ABL2: variants seen among roughly 807,000 people sequenced by gnomAD.
The protein encoded by ABL2 is ABL proto-oncogene 2, non-receptor tyrosine kinase.
In ABL2, 49 loss-of-function variants were observed where a neutral mutation model predicts 107.7. The ratio of observed to expected loss-of-function variants is 0.45; its 90% CI spans 0.36 to 0.58. The LOEUF is 0.58. Among genes scored for constraint, ABL2 ranks in the 20% least tolerant of loss-of-function variants. ABL2 has a pLI of 0.00. For synonymous variants in ABL2, 549 were observed against 548.6 expected (o/e 1.00, Z -0.01); for missense variants, 1,245 against 1,457.0 (o/e 0.85, Z 2.37).
intron 1 of ABL2, among the ~76,000 whole-genome samples, chr1:179,208,356 T>C (rs562933556): frequency 6.6e-6 from 1 of 152,048 alleles, no homozygotes; most frequent in South Asian, 2.1e-4. Context: ...TTTATGTCCA[T>C]TTGTACTCAA....
At chr1:179,140,279 G>A (rs1258614461) in intron 1 of ABL2, among the ~76,000 whole-genome samples, 1 of 152,012 alleles carries the variant, frequency 6.6e-6, no homozygotes, top group East Asian at 1.9e-4. Flanking sequence ...GGACCTTTGC[G>A]CTGGCTTTTC....
chr1:179,170,470 G>A (rs939996036), intron 1 of ABL2, among the ~76,000 whole-genome samples: 2 of 151,944 alleles, frequency 1.3e-5, no homozygotes, highest in African/African-American at 2.4e-5. Flanking sequence ...AGGCTGGAGT[G>A]CAGTAGCGCA....
At chr1:179,115,764 C>G (rs1654559037) in intron 8 of ABL2, among the ~76,000 whole-genome samples, 1 of 152,020 alleles carries the variant, frequency 6.6e-6, no homozygotes, top group Non-Finnish European at 1.5e-5. Context: ...TCAGCTAATA[C>G]AAGAGGAGTA....
intron 1 of ABL2, among the ~76,000 whole-genome samples, chr1:179,147,808 T>C (rs954615357): frequency 3.3e-5 from 5 of 152,186 alleles, no homozygotes; most frequent in African/African-American, 4.8e-5. Context: ...AATATATCCA[T>C]GGAAGAACTG....
At chr1:179,144,645 CTT>C (rs1657867512) in intron 1 of ABL2, among the ~76,000 whole-genome samples, 1 of 151,914 alleles carries the variant, frequency 6.6e-6, no homozygotes, top group South Asian at 2.1e-4. Context: ...AAAATGGTAA[CTT>C]AACCTTATTA....
intron 1 of ABL2, among the ~76,000 whole-genome samples, chr1:179,188,801 C>G (rs879291165): frequency 2.0e-4 from 31 of 152,060 alleles, no homozygotes; most frequent in Non-Finnish European, 4.3e-4. Flanking sequence ...ACTCTAGAAT[C>G]CATGTTATCA....
At position 179,106,029 on chromosome 1, in the gene ABL2, T is replaced by C. The variant is rs967781761; in HGVS notation, c.*1689A>G. The C allele has an allele frequency of 1.4e-5, 3 of 218,664 alleles. No individual in the cohort carries two copies. Among genetic ancestry groups the C allele is most frequent in the Non-Finnish European group, 2.8e-5 (3 of 108,946 alleles). 13.5% of individuals were successfully genotyped at this position (218,664 alleles called of 1,614,324 possible). A position where few individuals can be genotyped will look rare whatever the true frequency, so the allele number is the denominator to read the frequency against. ...AAGAGATGAGGCTGTGGTTTGACAG[T>C]GTATCAATGACAGAGCCAGAAGAAA... On this transcript the variant is annotated 3_prime_UTR_variant, in exon 12 of 12. Transcript: ENST00000502732.
intron 1 of ABL2, among the ~76,000 whole-genome samples, chr1:179,139,498 C>G (rs1001371959): frequency 1.3e-5 from 2 of 152,200 alleles, no homozygotes; most frequent in Non-Finnish European, 2.9e-5. Flanking sequence ...GTCAGTGAGA[C>G]CAAGAACCCA....
chr1:179,163,942 CA>C (rs1387621475), intron 1 of ABL2, among the ~76,000 whole-genome samples: 18 of 152,230 alleles, frequency 1.2e-4, no homozygotes, highest in Admixed American at 4.6e-4. Flanking sequence ...CCACAGAAGC[CA>C]ATCTCAAAAG....
At chr1:179,198,118 G>A (rs942850428) in intron 1 of ABL2, among the ~76,000 whole-genome samples, 3 of 145,652 alleles carry the variant, frequency 2.1e-5, no homozygotes, top group South Asian at 2.2e-4. Context: ...AAGCTGCAAC[G>A]AGTTGTGCCA....
intron 1 of ABL2, among the ~76,000 whole-genome samples, chr1:179,181,257 G>T (rs750176773): frequency 7.2e-5 from 11 of 152,254 alleles, no homozygotes; most frequent in Non-Finnish European, 1.6e-4. Context: ...CTCCAACATT[G>T]CCCTAAGATT....
chr1:179,108,247 G>A lies in ABL2; in HGVS notation c.3020C>T (p.Thr1007Ile), dbSNP rs981010598. 1.2e-6 allele frequency: 2 copies of A among 1,613,920 alleles called. No homozygotes were observed. The highest frequency in any genetic ancestry group is 2.7e-5 in the African/African-American group (2 of 74,876). Residue 1007 changes from threonine to isoleucine, a missense_variant, in exon 12 of 12, where the codon ACT (threonine) becomes ATT (isoleucine). Physicochemically the swap from Thr to Ile is moderately conservative, Grantham distance 89. Transcript: ENST00000502732. ...SICSDPTEEPTALTAGQSTSE... is the reference protein window; with the variant it reads ...SICSDPTEEPIALTAGQSTSE... ...TGTGGACTGTCCTGCAGTTAGGGCA[G>A]TTGGCTCTTCTGTAGGGTCTGAGCA...
chr1:179,186,710 A>C (rs1660701950), intron 1 of ABL2, among the ~76,000 whole-genome samples: 1 of 151,796 alleles, frequency 6.6e-6, no homozygotes, highest in Non-Finnish European at 1.5e-5. Context: ...TTTCCATTTA[A>C]CTTTCATTTC....
intron 1 of ABL2, among the ~76,000 whole-genome samples, chr1:179,164,011 T>C (rs1199703261): frequency 6.6e-6 from 1 of 152,128 alleles, no homozygotes; most frequent in Non-Finnish European, 1.5e-5. Context: ...ACTCTAGTGG[T>C]GGAGAACACA....
chr1:179,211,379 A>G (rs1662262951), intron 1 of ABL2, among the ~76,000 whole-genome samples: 1 of 151,838 alleles, frequency 6.6e-6, no homozygotes, highest in Non-Finnish European at 1.5e-5. Flanking sequence ...TAATTTAACC[A>G]GGTGGGGTGG....
intron 1 of ABL2, among the ~76,000 whole-genome samples, chr1:179,190,455 G>A (rs531138272): frequency 6.6e-6 from 1 of 152,290 alleles, no homozygotes; most frequent in African/African-American, 2.4e-5. Flanking sequence ...CATGTGTTCA[G>A]CTATCCCAAA....
In ABL2 at chr1:179,195,892, C is replaced by T. The variant is rs557403459; in HGVS notation, c.157+33349G>A. ...CCAAGGGCTAGAGGAAATTATAAAA[C>T]GGGGAATTATAATTTAACAGATGCA... On this transcript the variant is annotated intron_variant, in intron 1 of 11. Coordinates refer to ENST00000502732, the MANE Select transcript of ABL2 (RefSeq NM_007314.4). Among the ~76,000 whole-genome samples, 32 of 152,116 alleles carry T rather than the reference C, an allele frequency of 2.1e-4. No homozygotes were observed. The South Asian group carries it at 2.9e-3, about 14-fold the overall frequency.
chr1:179,119,403 A>T (rs928050141), intron 6 of ABL2, among the ~76,000 whole-genome samples: 1 of 151,868 alleles, frequency 6.6e-6, no homozygotes, highest in African/African-American at 2.4e-5. Context: ...GGGCGTGGTG[A>T]TGCACGTTGA....
At chr1:179,168,759 C>G (rs967178407) in intron 1 of ABL2, among the ~76,000 whole-genome samples, 1 of 152,202 alleles carries the variant, frequency 6.6e-6, no homozygotes, top group South Asian at 2.1e-4. Flanking sequence ...CCCACATACA[C>G]AGCTTTCAGA....
Sources: allele counts gnomAD v4.1 joint callset (sites outside exome capture counted in the v4.1 genomes callset), GRCh38; gene constraint gnomAD v4.1.1; transcripts MANE v1.5; gene names NCBI Gene and HGNC (gene_info 2026-07-23, HGNC 2026-07-21).